Variants in TEK observed in about 807,000 individuals in gnomAD.
The protein encoded by TEK is TEK receptor tyrosine kinase.
TEK carries 43 observed loss-of-function variants against 131.8 expected under a neutral mutation model. That is an observed-to-expected ratio of 0.33 (90% CI 0.26 to 0.42). The LOEUF is 0.42. Ranked by LOEUF, TEK falls within the 10% of genes least tolerant of loss-of-function variation. The probability of loss-of-function intolerance (pLI) is 1.00; values close to 1 mark genes in which losing one functional copy is unlikely to be tolerated. For synonymous variants in TEK, 580 were observed against 491.6 expected (o/e 1.18, Z -2.38); for missense variants, 1,162 against 1,384.4 (o/e 0.84, Z 2.55).
rs916463161 is a variant in TEK at position 27,205,630 on chromosome 9, AT to A, written c.2364+575del. Among the ~76,000 whole-genome samples, 136 of 146,050 alleles carry A rather than the reference AT, an allele frequency of 9.3e-4. No homozygotes were observed. In the Middle Eastern group the frequency reaches 0.011, roughly 12 times the overall value. ...AGTTCCTGGCACTTGGTACTGCCTC[AT>A]TTTTTTTTTCATCTAGGAATTCTAA... On this transcript the variant is annotated intron_variant, in intron 14 of 22. Coordinates refer to ENST00000380036, the MANE Select transcript of TEK (RefSeq NM_000459.5).
chr9:27,172,992 G>A (rs990631830), intron 5 of TEK, among the ~76,000 whole-genome samples: 7 of 152,064 alleles, frequency 4.6e-5, no homozygotes, highest in Admixed American at 4.6e-4. Flanking sequence ...CCCTAGGTTT[G>A]TGCACTGCAC....
In TEK at chr9:27,173,298, C is replaced by T. The variant is rs779577956; in HGVS notation, c.837C>T (p.Phe279=). 3 of 1,614,102 alleles carry T rather than the reference C, an allele frequency of 1.9e-6. No homozygotes were observed. Among genetic ancestry groups the T allele is most frequent in the African/African-American group, 1.3e-5 (1 of 75,040 alleles). The change falls in exon 6 of 23, where the codon TTC becomes TTT. Residue 279 remains phenylalanine, a synonymous_variant. Transcript: ENST00000380036. ...SGQEGCKSYV[F]CLPDPYGCSC... is the part of the protein sequence containing the mutation. ...AAGAGGGATGCAAGTCTTATGTGTTCTGTCTCCCTGACCCCTATGGGTGTT... is the reference window on the plus strand; with the variant it reads ...AAGAGGGATGCAAGTCTTATGTGTTTTGTCTCCCTGACCCCTATGGGTGTT...
At chr9:27,165,742 G>A (rs953256553) in intron 2 of TEK, among the ~76,000 whole-genome samples, 2 of 152,210 alleles carry the variant, frequency 1.3e-5, no homozygotes, top group South Asian at 2.1e-4. Flanking sequence ...GCCCAGGAAT[G>A]TGTCTGATTC....
chr9:27,164,419 A>C (rs1823653300), intron 2 of TEK, among the ~76,000 whole-genome samples: 1 of 150,232 alleles, frequency 6.7e-6, no homozygotes, highest in African/African-American at 2.5e-5. Flanking sequence ...TCCTGGGTTC[A>C]CGCCATTCTC....
intron 2 of TEK, among the ~76,000 whole-genome samples, chr9:27,162,785 G>A (rs553257818): frequency 1.3e-4 from 20 of 151,768 alleles, no homozygotes; most frequent in South Asian, 8.3e-4. Context: ...GCGCGATCTC[G>A]GCTCACTGCA....
rs182153944 is a variant in TEK at position 27,114,088 on chromosome 9, C to T, written c.52+4446C>T. On this transcript the variant is annotated intron_variant, in intron 1 of 22. Transcript: ENST00000380036. ...TTGAGCTTTGGGCAGCCAGATTTAG[C>T]CCAATTAGCCTCTAAATCTCTCACA... Among the ~76,000 whole-genome samples, 40 of 152,314 alleles carry T rather than the reference C, an allele frequency of 2.6e-4. No homozygotes were observed. In the South Asian group the frequency reaches 7.7e-3, roughly 29 times the overall value.
chr9:27,205,799 G>T (rs1471827238), intron 14 of TEK, among the ~76,000 whole-genome samples: 1 of 152,150 alleles, frequency 6.6e-6, no homozygotes, highest in Admixed American at 6.6e-5. Flanking sequence ...TATCAATTCT[G>T]TATATAATGC....
chr9:27,158,686 A>G (rs1271398728), intron 2 of TEK, among the ~76,000 whole-genome samples: 75 of 139,416 alleles, frequency 5.4e-4, no homozygotes, highest in African/African-American at 9.8e-4. Flanking sequence ...GGGGGGGTGG[A>G]GTCTCACTCT....
intron 1 of TEK, among the ~76,000 whole-genome samples, chr9:27,145,458 G>A (rs1822881266): frequency 6.6e-6 from 1 of 152,188 alleles, no homozygotes; most frequent in Non-Finnish European, 1.5e-5. Flanking sequence ...CTCTGGGGAT[G>A]ACACAGGCCA....
intron 22 of TEK, among the ~76,000 whole-genome samples, chr9:27,228,883 C>G (rs988823337): frequency 2.0e-5 from 3 of 152,106 alleles, no homozygotes; most frequent in African/African-American, 7.2e-5. Context: ...CCTAGGGAAG[C>G]TGAACACATT....
intron 1 of TEK, among the ~76,000 whole-genome samples, chr9:27,148,789 T>C (rs556168322): frequency 4.6e-5 from 7 of 152,252 alleles, no homozygotes; most frequent in Non-Finnish European, 1.0e-4. Flanking sequence ...CAACGACTTA[T>C]GAAATTTCTT....
intron 1 of TEK, among the ~76,000 whole-genome samples, chr9:27,123,070 A>AAC (rs1821858325): frequency 6.7e-6 from 1 of 149,620 alleles, no homozygotes; most frequent in Non-Finnish European, 1.5e-5. Flanking sequence ...AAAAAAAAAA[A>AAC]AAAAAAAACT....
intron 1 of TEK, among the ~76,000 whole-genome samples, chr9:27,116,279 G>T (rs189642223): frequency 3.9e-5 from 6 of 152,040 alleles, no homozygotes; most frequent in Non-Finnish European, 8.8e-5. Context: ...TGATTTTGAG[G>T]CTACATGTAA....
chr9:27,211,432 C>G (rs1025556096), intron 16 of TEK, among the ~76,000 whole-genome samples: 2 of 70,526 alleles, frequency 2.8e-5, no homozygotes, highest in Non-Finnish European at 2.7e-5. Flanking sequence ...ATCTTTCAAG[C>G]TTTTTTTTTT....
chr9:27,167,313 C>T (rs370064277), intron 2 of TEK, among the ~76,000 whole-genome samples: 9 of 152,138 alleles, frequency 5.9e-5, no homozygotes, highest in African/African-American at 1.7e-4. Flanking sequence ...CTGCAATCTC[C>T]GCCTCCCGGA....
At chr9:27,140,717 G>A (rs963138660) in intron 1 of TEK, among the ~76,000 whole-genome samples, 1 of 151,990 alleles carries the variant, frequency 6.6e-6, no homozygotes, top group Non-Finnish European at 1.5e-5. Context: ...AATGGGAGTG[G>A]TGTGGTGCTA....
At position 27,218,892 on chromosome 9, in the gene TEK, A is replaced by G. The variant is rs372586014; in HGVS notation, c.3103+75A>G. The G allele has an allele frequency of 3.3e-5, 46 of 1,394,034 alleles. No homozygotes were observed. The African/African-American group carries it at 5.2e-4, about 16-fold the overall frequency. The allele number at this position is 1,394,034 out of a possible 1,614,324, so 86.4% of individuals were successfully genotyped here. On this transcript the variant is annotated intron_variant, in intron 20 of 22. Transcript: ENST00000380036. ...GAAGCCTCTAGCACTCCCTTGCTGC[A>G]TAATTCCACAGGATGCCGTTTGTAT... is the stretch of plus-strand genomic sequence containing the variant.
chr9:27,177,267 A>G (rs1810064218), intron 6 of TEK, among the ~76,000 whole-genome samples: 2 of 152,160 alleles, frequency 1.3e-5, no homozygotes, highest in African/African-American at 4.8e-5. Context: ...GAACTTCCTT[A>G]TTGTTTTCCA....
In TEK at chr9:27,146,718, C is replaced by CTTTTT. The variant is rs1423361120; in HGVS notation, c.53-11112_53-11111insTTTTT. Among the ~76,000 whole-genome samples the CTTTTT allele has an allele frequency of 2.5e-4, 32 of 129,702 alleles. 2 individuals are homozygous for CTTTTT. The highest frequency in any genetic ancestry group is 9.4e-4 in the African/African-American group (32 of 34,128). The allele number at this position is 129,702 out of a possible 152,430, so 85.1% of individuals were successfully genotyped here. ...AATAAATAGAGCTGCTATAAACATT[C>CTTTTT]TATTTTTTTTTTTTTTTTTTTTGGC... On this transcript the variant is annotated intron_variant, in intron 1 of 22. Transcript: ENST00000380036.
Sources: allele counts gnomAD v4.1 joint callset (sites outside exome capture counted in the v4.1 genomes callset), GRCh38; gene constraint gnomAD v4.1.1; transcripts MANE v1.5; gene names NCBI Gene and HGNC (gene_info 2026-07-23, HGNC 2026-07-21).